Variants in IL1RAPL1 observed in about 807,000 individuals in gnomAD.
IL1RAPL1 encodes the protein interleukin 1 receptor accessory protein like 1.
IL1RAPL1 carries 3 observed loss-of-function variants against 48.4 expected under a neutral mutation model. The observed-to-expected ratio is 0.06, with a 90% CI of 0.03 to 0.16. IL1RAPL1 has a LOEUF of 0.16. Ranked by LOEUF, IL1RAPL1 falls within the 10% of genes least tolerant of loss-of-function variation. The pLI is 1.00. For synonymous variants in IL1RAPL1, 185 were observed against 187.7 expected (o/e 0.99, Z 0.12); for missense variants, 349 against 530.6 (o/e 0.66, Z 3.36).
intron 2 of IL1RAPL1, among the ~76,000 whole-genome samples, chrX:28,978,656 A>G (rs940077745): frequency 1.8e-5 from 2 of 111,853 alleles, no homozygotes; most frequent in Non-Finnish European, 3.8e-5. Flanking sequence ...GTGTTCATGA[A>G]TTCAAAATGT....
At chrX:29,301,680 A>G (rs189628113) in intron 3 of IL1RAPL1, among the ~76,000 whole-genome samples, 120 of 112,030 alleles carry the variant, frequency 1.1e-3, no homozygotes, top group African/African-American at 3.7e-3. Flanking sequence ...TTCTGCACAC[A>G]GGAATAAAAA....
chrX:28,844,454 G>A (rs1921456836), intron 2 of IL1RAPL1, among the ~76,000 whole-genome samples: 1 of 109,137 alleles, frequency 9.2e-6, no homozygotes, highest in Non-Finnish European at 1.9e-5. Flanking sequence ...AAGACTTAAC[G>A]TTTTACTCAC....
chrX:29,515,326 A>T (rs1935434829), intron 5 of IL1RAPL1, among the ~76,000 whole-genome samples: 1 of 112,302 alleles, frequency 8.9e-6, no homozygotes, highest in African/African-American at 3.2e-5. Flanking sequence ...CTGGATATTG[A>T]AATTGACATA....
intron 2 of IL1RAPL1, among the ~76,000 whole-genome samples, chrX:28,841,047 A>G (rs1238757586): frequency 9.0e-6 from 1 of 111,441 alleles, no homozygotes; most frequent in Non-Finnish European, 1.9e-5. Flanking sequence ...TTTTCAATAT[A>G]ATATGAAAAA....
chrX:29,390,071 C>T (rs147788210), intron 3 of IL1RAPL1, among the ~76,000 whole-genome samples: 2,306 of 112,465 alleles, frequency 0.021, 26 homozygotes, highest in Non-Finnish European at 0.031. Flanking sequence ...AAATGGAAGG[C>T]TTTAAGATTA....
At chrX:29,714,839 T>G (rs1047568234) in intron 6 of IL1RAPL1, among the ~76,000 whole-genome samples, 1 of 111,747 alleles carries the variant, frequency 8.9e-6, no homozygotes, top group Non-Finnish European at 1.9e-5. Flanking sequence ...ATCAGGACTT[T>G]CCCTCATACT....
At chrX:29,481,489 G>A (rs1367964078) in intron 5 of IL1RAPL1, among the ~76,000 whole-genome samples, 1 of 112,579 alleles carries the variant, frequency 8.9e-6, no homozygotes, top group African/African-American at 3.2e-5. Context: ...AGAGCCAACG[G>A]CCATTGCCTG....
intron 9 of IL1RAPL1, 97 bp downstream of exon 9, chrX:29,941,891 G>A: frequency 1.3e-6 from 1 of 757,548 alleles, no homozygotes; most frequent in East Asian, 3.3e-5. Flanking sequence ...CATAATCAAT[G>A]GCAGCAGCTC....
intron 6 of IL1RAPL1, among the ~76,000 whole-genome samples, chrX:29,770,034 C>T (rs1254286561): frequency 8.9e-6 from 1 of 112,210 alleles, no homozygotes; most frequent in African/African-American, 3.2e-5. Context: ...CTTCAAGTTA[C>T]ATCTGAAATG....
At chrX:29,659,004 A>G (rs1273407503) in intron 5 of IL1RAPL1, among the ~76,000 whole-genome samples, 2 of 111,978 alleles carry the variant, frequency 1.8e-5, no homozygotes, top group African/African-American at 6.5e-5. Flanking sequence ...TGCAATCCCT[A>G]TCAAAGTACT....
chrX:29,773,080 A>G (rs894539687), intron 6 of IL1RAPL1, among the ~76,000 whole-genome samples: 1 of 112,454 alleles, frequency 8.9e-6, no homozygotes, highest in Non-Finnish European at 1.9e-5. Context: ...TAAATATACA[A>G]TTAACTCTTA....
Position 29,071,385 on chromosome X carries a change from T to C in IL1RAPL1, c.83-211553T>C, listed in dbSNP as rs761465808. On this transcript the variant is annotated intron_variant, in intron 2 of 10. Transcript: ENST00000378993. ...AAGCAAACAAAACAGCAAAAAGACA[T>C]AGCTGCCATTTCTCAGTGTTCTAGG... Among the ~76,000 whole-genome samples the C allele has an allele frequency of 3.6e-5, 4 of 111,923 alleles. No individual in the cohort carries two copies. The East Asian group carries it at 1.1e-3, about 32-fold the overall frequency.
At chrX:29,261,228 G>A (rs892591182) in intron 2 of IL1RAPL1, among the ~76,000 whole-genome samples, 8 of 110,351 alleles carry the variant, frequency 7.2e-5, no homozygotes, top group African/African-American at 2.6e-4. Flanking sequence ...ATTCTCCATT[G>A]TTGCCTTTCA....
rs141985083 is a variant in IL1RAPL1, at chrX:29,260,565, G to A, written c.83-22373G>A. Among the ~76,000 whole-genome samples, 1,031 of 111,472 alleles carry A rather than the reference G, an allele frequency of 9.2e-3. 16 individuals are homozygous for A. Among genetic ancestry groups the A allele is most frequent in the African/African-American group, 0.031 (961 of 30,710 alleles). ...GATTCAATTATCTCCACCTGGCCCC[G>A]CCCTTGACACATGGGGATTATTACA... On this transcript the variant is annotated intron_variant, in intron 2 of 10. Coordinates refer to ENST00000378993, the MANE Select transcript of IL1RAPL1 (RefSeq NM_014271.4).
intron 2 of IL1RAPL1, among the ~76,000 whole-genome samples, chrX:29,031,788 A>G (rs1926625249): frequency 9.0e-6 from 1 of 111,531 alleles, no homozygotes; most frequent in Admixed American, 9.6e-5. Flanking sequence ...TGGTTATAAT[A>G]TCAGTAAAAA....
At chrX:29,096,176 C>A (rs1928209775) in intron 2 of IL1RAPL1, among the ~76,000 whole-genome samples, 1 of 111,368 alleles carries the variant, frequency 9.0e-6, no homozygotes, top group African/African-American at 3.3e-5. Context: ...CTACCAAAAA[C>A]TAGTCCTGTG....
At chrX:29,917,090 C>G (rs1932805312) in intron 6 of IL1RAPL1, among the ~76,000 whole-genome samples, 1 of 112,186 alleles carries the variant, frequency 8.9e-6, no homozygotes, top group African/African-American at 3.2e-5. Context: ...TTATAATCAG[C>G]AACGTTATGT....
chrX:28,644,414 G>GGAAAA (rs1393719409), intron 1 of IL1RAPL1, among the ~76,000 whole-genome samples: 3 of 111,530 alleles, frequency 2.7e-5, no homozygotes, highest in African/African-American at 9.8e-5. Flanking sequence ...ACCTGATTCT[G>GGAAAA]GAAAAGAAAA....
chrX:28,797,770 C>T (rs777220860), intron 2 of IL1RAPL1, among the ~76,000 whole-genome samples: 7 of 111,994 alleles, frequency 6.3e-5, no homozygotes, highest in East Asian at 2.8e-4. Flanking sequence ...GTTCCAAAGT[C>T]GCTTCTGCAT....
Sources: gnomAD v4.1 joint callset for allele counts (sites outside exome capture counted in the v4.1 genomes callset) on GRCh38, gnomAD v4.1.1 for gene constraint, MANE v1.5 for transcripts, NCBI Gene and HGNC (gene_info 2026-07-23, HGNC 2026-07-21) for gene names.